Variants in SHANK2 observed in about 807,000 individuals in gnomAD.
SHANK2 encodes the protein SH3 and multiple ankyrin repeat domains 2.
A neutral mutation model predicts 133.7 loss-of-function variants in SHANK2; 43 were observed. The observed-to-expected ratio is 0.32, with a 90% CI of 0.25 to 0.41. The LOEUF (loss-of-function observed/expected upper bound fraction) is 0.41. Ranked by LOEUF, SHANK2 falls within the 10% of genes least tolerant of loss-of-function variation. The pLI, the probability that SHANK2 is intolerant of heterozygous loss-of-function variation, is 1.00. For synonymous variants in SHANK2, 1,017 were observed against 952.8 expected (o/e 1.07, Z -1.24); for missense variants, 1,994 against 2,235.8 (o/e 0.89, Z 2.18).
intron 3 of SHANK2, among the ~76,000 whole-genome samples, chr11:71,134,059 A>G (rs1555104275): frequency 7.0e-6 from 1 of 143,430 alleles, no homozygotes; most frequent in Non-Finnish European, 1.5e-5. Flanking sequence ...AAGAGCTTTT[A>G]CCTTTCTCGG....
At chr11:70,922,473 A>G (rs1555080862) in intron 10 of SHANK2, among the ~76,000 whole-genome samples, 1 of 152,214 alleles carries the variant, frequency 6.6e-6, no homozygotes. Flanking sequence ...AAAACCAAGG[A>G]CAAAGAAAAT....
At chr11:71,101,274 G>A (rs1202231478) in intron 6 of SHANK2, among the ~76,000 whole-genome samples, 1 of 151,902 alleles carries the variant, frequency 6.6e-6, no homozygotes, top group Admixed American at 6.6e-5. Flanking sequence ...CCTTACCCTC[G>A]CCACTCCCTC....
At chr11:70,886,413 G>A (rs1344806148) in intron 11 of SHANK2, among the ~76,000 whole-genome samples, 2 of 152,144 alleles carry the variant, frequency 1.3e-5, no homozygotes, top group African/African-American at 4.8e-5. Flanking sequence ...CGGGGACCCC[G>A]ACCACTCTGA....
chr11:70,475,635 C>T (rs1272766668), intron 25 of SHANK2, among the ~76,000 whole-genome samples: 1 of 152,168 alleles, frequency 6.6e-6, no homozygotes, highest in Admixed American at 6.5e-5. Flanking sequence ...CTGAAAGGGG[C>T]CTGTGCTGTG....
intron 17 of SHANK2, among the ~76,000 whole-genome samples, chr11:70,570,287 G>A (rs1554982820): frequency 6.6e-6 from 1 of 152,174 alleles, no homozygotes; most frequent in Non-Finnish European, 1.5e-5. Flanking sequence ...GGTCGCTCCC[G>A]TTCTTGATGA....
intron 11 of SHANK2, among the ~76,000 whole-genome samples, chr11:70,845,402 G>C (rs536658152): frequency 7.2e-5 from 11 of 152,244 alleles, no homozygotes; most frequent in African/African-American, 2.6e-4. Flanking sequence ...TTCTCACAGA[G>C]AAATGGACTC....
intron 17 of SHANK2, among the ~76,000 whole-genome samples, chr11:70,533,274 G>T (rs532719183): frequency 1.3e-5 from 2 of 152,256 alleles, no homozygotes; most frequent in Non-Finnish European, 2.9e-5. Flanking sequence ...TATTTTTGTA[G>T]AGATGGGGTC....
At chr11:71,075,948 C>T (rs1229392162) in intron 8 of SHANK2, among the ~76,000 whole-genome samples, 1 of 152,216 alleles carries the variant, frequency 6.6e-6, no homozygotes, top group Non-Finnish European at 1.5e-5. Flanking sequence ...TTTATCAGAA[C>T]TTTCGCCTGA....
intron 11 of SHANK2, chr11:70,873,129 T>C (rs1949497590): frequency 4.2e-6 from 2 of 470,908 alleles, no homozygotes; most frequent in African/African-American, 2.0e-5. Flanking sequence ...GAATGATATG[T>C]TTGTGGTTCC....
intron 4 of SHANK2, among the ~76,000 whole-genome samples, chr11:71,114,501 T>G (rs1158626409): frequency 2.0e-5 from 3 of 152,152 alleles, no homozygotes; most frequent in Admixed American, 1.3e-4. Context: ...AAGACAAAAT[T>G]CTTGTGCACA....
At chr11:70,802,370 A>T (rs899535812) in intron 13 of SHANK2, among the ~76,000 whole-genome samples, 1 of 152,126 alleles carries the variant, frequency 6.6e-6, no homozygotes, top group Non-Finnish European at 1.5e-5. Flanking sequence ...CAAACTGGAA[A>T]GCAGCGGTGA....
intron 14 of SHANK2, among the ~76,000 whole-genome samples, chr11:70,713,296 T>C (rs1231255147): frequency 6.6e-6 from 1 of 152,264 alleles, no homozygotes; most frequent in African/African-American, 2.4e-5. Context: ...CCTGGCACAG[T>C]TGGTTTTTCT....
chr11:71,140,353 A>G (rs1475304150), intron 3 of SHANK2, among the ~76,000 whole-genome samples: 1 of 152,242 alleles, frequency 6.6e-6, no homozygotes. Flanking sequence ...GGCTCCATCC[A>G]TCACTCCAAC....
intron 11 of SHANK2, among the ~76,000 whole-genome samples, chr11:70,828,306 A>C (rs975575159): frequency 6.6e-6 from 1 of 151,922 alleles, no homozygotes; most frequent in Non-Finnish European, 1.5e-5. Flanking sequence ...CCCCACAAAA[A>C]CCCAGAAATA....
intron 17 of SHANK2, among the ~76,000 whole-genome samples, chr11:70,600,255 C>G (rs943968493): frequency 1.3e-5 from 2 of 151,524 alleles, no homozygotes; most frequent in Non-Finnish European, 2.9e-5. Flanking sequence ...CCTGTCTCTA[C>G]TAAGAACACA....
intron 10 of SHANK2, among the ~76,000 whole-genome samples, chr11:70,915,260 C>T (rs1555079690): frequency 6.6e-6 from 1 of 152,158 alleles, no homozygotes; most frequent in Non-Finnish European, 1.5e-5. Context: ...CTCAAATGTG[C>T]AGGGCTGCTG....
At chr11:71,131,141 C>A (rs1443732624) in intron 3 of SHANK2, among the ~76,000 whole-genome samples, 1 of 152,350 alleles carries the variant, frequency 6.6e-6, no homozygotes, top group African/African-American at 2.4e-5. Flanking sequence ...AACAAATAAC[C>A]AACATCAAGG....
chr11:70,915,146 C>T (rs932862563), intron 10 of SHANK2, among the ~76,000 whole-genome samples: 2 of 152,088 alleles, frequency 1.3e-5, no homozygotes, highest in East Asian at 1.9e-4. Flanking sequence ...TTGCGGGACA[C>T]GTTCATCCTC....
Position 70,554,714 on chromosome 11 carries a change from G to T in SHANK2, c.2062-51783C>A, listed in dbSNP as rs189547603. ...TTCGTTGGTTGTAACTATCTATAAC[G>T]CCCCGTTCCCCCACTCCAGTGCCAT... On this transcript the variant is annotated intron_variant, in intron 17 of 25. Transcript: ENST00000601538. Among the ~76,000 whole-genome samples, 3 of 152,000 alleles carry T rather than the reference G, an allele frequency of 2.0e-5. No homozygotes were observed. In the East Asian group the frequency reaches 5.8e-4, roughly 29 times the overall value.
Sources: allele counts gnomAD v4.1 joint callset (sites outside exome capture counted in the v4.1 genomes callset), GRCh38; gene constraint gnomAD v4.1.1; transcripts MANE v1.5; gene names NCBI Gene and HGNC (gene_info 2026-07-23, HGNC 2026-07-21).